CEP164: variants seen among roughly 807,000 people sequenced by gnomAD.
CEP164 encodes centrosomal protein 164.
CEP164 carries 162 observed loss-of-function variants against 182.7 expected under a neutral mutation model. The observed-to-expected ratio is 0.89, with a 90% CI of 0.78 to 1.01. The LOEUF is 1.01. Ranked by LOEUF, CEP164 falls within the 50% of genes least tolerant of loss-of-function variation. CEP164 has a pLI of 0.00. For missense variants in CEP164, 1,735 were observed against 1,790.4 expected (o/e 0.97, Z 0.56); for synonymous variants, 661 against 690.0 (o/e 0.96, Z 0.66).
At chr11:117,357,476 C>T (rs1264355268) in intron 5 of CEP164, among the ~76,000 whole-genome samples, 1 of 147,286 alleles carries the variant, frequency 6.8e-6, no homozygotes, top group African/African-American at 2.5e-5. Context: ...GGCTGGAGTG[C>T]AATGGTGCCA....
At chr11:117,329,839 C>CTTTT (rs61429989) in intron 1 of CEP164, among the ~76,000 whole-genome samples, 65 of 95,558 alleles carry the variant, frequency 6.8e-4, no homozygotes, top group Admixed American at 1.3e-3. Context: ...TGCGCCTGGC[C>CTTTT]TTTTTTTTTT....
chr11:117,324,212 C>T (rs1379245756), upstream of CEP164, among the ~76,000 whole-genome samples: 2 of 151,972 alleles, frequency 1.3e-5, no homozygotes, highest in Non-Finnish European at 2.9e-5. Context: ...TTTGGGAGGC[C>T]AAGGCAGGCA....
At chr11:117,367,792 G>C (rs959078777) in intron 8 of CEP164, among the ~76,000 whole-genome samples, 17 of 152,152 alleles carry the variant, frequency 1.1e-4, no homozygotes, top group African/African-American at 4.1e-4. Context: ...TATTTTTCCT[G>C]ATCCTCTCAA....
rs780086121 is a variant in CEP164 at position 117,371,185 on chromosome 11, A to G, written c.871A>G (p.Ser291Gly). ...PCKPSSPGAD[S>G]SLSSAVGKGR... ...CAAGCCCTCCAGCCCAGGTGCAGAC[A>G]GCAGTCTGAGCAGTGCTGTTGGCAA... The change falls in exon 9 of 33, where the codon AGC becomes GGC. Residue 291 changes from serine to glycine, a missense_variant. By Grantham distance (56) the Ser-to-Gly change is moderately conservative (BLOSUM62 0). Transcript: ENST00000278935. The G allele has an allele frequency of 1.6e-5, 26 of 1,614,108 alleles. No individual in the cohort carries two copies. The highest frequency in any genetic ancestry group is 1.1e-5 in the South Asian group (1 of 91,096).
intron 13 of CEP164, 155 bp from the exon 14 acceptor site, chr11:117,382,641 A>G: frequency 1.3e-6 from 1 of 762,872 alleles, no homozygotes; most frequent in Non-Finnish European, 2.1e-6. Flanking sequence ...AGGGAGAGGA[A>G]GGGCGGGGAG....
chr11:117,370,132 C>T lies in CEP164; in HGVS notation c.766-948C>T, dbSNP rs576289781. On this transcript the variant is annotated intron_variant, in intron 8 of 32. Transcript: ENST00000278935. ...GAAAGTCTGGAGGCTCTGCTCACTTCCTTTATCCTTTATAGACATCTCCCT... is the reference window on the plus strand; with the variant it reads ...GAAAGTCTGGAGGCTCTGCTCACTTTCTTTATCCTTTATAGACATCTCCCT... Among the ~76,000 whole-genome samples, 11 of 151,978 alleles carry T rather than the reference C, an allele frequency of 7.2e-5. No individual in the cohort carries two copies. In the East Asian group the frequency reaches 7.7e-4, roughly 11 times the overall value.
chr11:117,395,211 C>T lies in CEP164; in HGVS notation c.2913+20C>T, dbSNP rs370958174. 6.2e-6 allele frequency: 10 copies of T among 1,611,376 alleles called. No individual in the cohort carries two copies. In the African/African-American group the frequency reaches 1.2e-4, roughly 19 times the overall value. ...AGTGAGGTTTGTCTCCCTGTTTTGT[C>T]CTCCCTCCTGTTCTTCCTCCATTTC... is the stretch of plus-strand genomic sequence containing the variant. On this transcript the variant is annotated intron_variant, in intron 23 of 32. Coordinates refer to ENST00000278935, the MANE Select transcript of CEP164 (RefSeq NM_014956.5).
At chr11:117,365,120 G>T (rs1169932256) in intron 8 of CEP164, among the ~76,000 whole-genome samples, 1 of 152,208 alleles carries the variant, frequency 6.6e-6, no homozygotes, top group Non-Finnish European at 1.5e-5. Flanking sequence ...TGCCTAGAAG[G>T]TTGACCATGT....
At position 117,397,159 on chromosome 11, in the gene CEP164, T is replaced by C. The variant is rs1290346987; in HGVS notation, c.3347T>C (p.Phe1116Ser). ...GTAGCCCTCCGTAGTGCCAAGGAGT[T>C]CCTTGTGCAGCAGACACGCTCCATG... ...EGVALRSAKEFLVQQTRSMRR... is the reference protein window; with the variant it reads ...EGVALRSAKESLVQQTRSMRR... The change falls in exon 27 of 33, where the codon TTC (phenylalanine) becomes TCC (serine). Residue 1116 changes from phenylalanine to serine, a missense_variant. Physicochemically the swap from Phe to Ser is radical, Grantham distance 155. Transcript: ENST00000278935. 5.0e-6 allele frequency: 8 copies of C among 1,614,242 alleles called. No homozygotes were observed. Among genetic ancestry groups the C allele is most frequent in the Non-Finnish European group, 6.8e-6 (8 of 1,180,036 alleles).
intron 5 of CEP164, among the ~76,000 whole-genome samples, chr11:117,354,760 TATTG>T (rs1422060885): frequency 6.9e-6 from 1 of 145,690 alleles, no homozygotes; most frequent in Non-Finnish European, 1.5e-5. Context: ...TTTTTTTTGC[TATTG>T]ATTTTATTTA....
At chr11:117,348,060 C>A (rs540893862) in intron 4 of CEP164, among the ~76,000 whole-genome samples, 38 of 152,064 alleles carry the variant, frequency 2.5e-4, no homozygotes, top group Non-Finnish European at 4.9e-4. Context: ...CCCTCTACCT[C>A]CCGGGTTCAA....
At chr11:117,372,833 A>G (rs2042354405) in intron 9 of CEP164, among the ~76,000 whole-genome samples, 1 of 152,160 alleles carries the variant, frequency 6.6e-6, no homozygotes, top group Non-Finnish European at 1.5e-5. Context: ...GGCAGTAGGT[A>G]CCACATTTGG....
chr11:117,332,901 A>G (rs897684488), intron 1 of CEP164, among the ~76,000 whole-genome samples: 1 of 152,240 alleles, frequency 6.6e-6, no homozygotes, highest in East Asian at 1.9e-4. Context: ...TTCTGAGGCC[A>G]TGTCTAGGGT....
In CEP164 at chr11:117,395,396, A is replaced by C. The variant is rs368570053; in HGVS notation, c.2914-151A>C. On this transcript the variant is annotated intron_variant, in intron 23 of 32. Coordinates refer to ENST00000278935, the MANE Select transcript of CEP164 (RefSeq NM_014956.5). ...GGACTGTGGTAGGACAGGAGCCTGC[A>C]GACCTCTTGACCTCAGAGGTGGTGA... is the stretch of plus-strand genomic sequence containing the variant. 37 of 1,003,416 alleles carry C rather than the reference A, an allele frequency of 3.7e-5. No individual in the cohort carries two copies. In the African/African-American group the frequency reaches 5.5e-4, roughly 15 times the overall value. 62.2% of individuals were successfully genotyped at this position (1,003,416 alleles called of 1,614,324 possible).
At chr11:117,398,547 G>A (rs1382370896) in intron 27 of CEP164, among the ~76,000 whole-genome samples, 3 of 152,202 alleles carry the variant, frequency 2.0e-5, no homozygotes, top group South Asian at 4.1e-4. Context: ...CACCCCTGTA[G>A]CAGACTTTTT....
intron 7 of CEP164, among the ~76,000 whole-genome samples, chr11:117,363,102 C>G (rs191162870): frequency 1.3e-5 from 2 of 152,232 alleles, no homozygotes; most frequent in Admixed American, 1.3e-4. Context: ...TTTGGCTGAT[C>G]TCTGTGCTAC....
Position 117,392,282 on chromosome 11 carries a change from A to C in CEP164, c.2340A>C (p.Ser780=). Residue 780 remains serine (S), a synonymous_variant, in exon 18 of 33, where the codon TCA becomes TCC. Coordinates refer to ENST00000278935, the MANE Select transcript of CEP164 (RefSeq NM_014956.5). ...HSAELERLCS[S]LEAKHREVVS... ...CTGAGCTGGAGCGGCTCTGCTCCTC[A>C]TTGGAGGCCAAGCACCGGGAGGTAA... 1 of 1,611,536 alleles carries C rather than the reference A, an allele frequency of 6.2e-7. No homozygotes were observed. Among genetic ancestry groups the C allele is most frequent in the Non-Finnish European group, 8.5e-7 (1 of 1,179,684 alleles).
At chr11:117,331,040 T>G (rs1452618956) in intron 1 of CEP164, among the ~76,000 whole-genome samples, 1 of 152,240 alleles carries the variant, frequency 6.6e-6, no homozygotes, top group African/African-American at 2.4e-5. Flanking sequence ...AGTCAATCTT[T>G]TCTGTGGTCA....
chr11:117,387,046 T>G, intron 14 of CEP164, 157 bp from the exon 15 acceptor site: 1 of 669,798 alleles, frequency 1.5e-6, no homozygotes, highest in Non-Finnish European at 2.6e-6. Context: ...AAGCATTGAC[T>G]GTATCTCTTG....
Sources: allele counts gnomAD v4.1 joint callset (sites outside exome capture counted in the v4.1 genomes callset), GRCh38; gene constraint gnomAD v4.1.1; transcripts MANE v1.5; gene names NCBI Gene and HGNC (gene_info 2026-07-23, HGNC 2026-07-21).